The following ACAD10 variants were observed in gnomAD, a reference collection of about 807,000 sequenced individuals.
The protein encoded by ACAD10 is acyl-CoA dehydrogenase family member 10.
ACAD10 carries 112 observed loss-of-function variants against 116.8 expected under a neutral mutation model. The ratio of observed to expected loss-of-function variants is 0.96; its 90% CI spans 0.82 to 1.12. ACAD10 has a LOEUF of 1.12. Among genes scored for constraint, ACAD10 ranks in the 50% most tolerant of loss-of-function variants. The probability of loss-of-function intolerance (pLI) is 0.00; values close to 1 mark genes in which losing one functional copy is unlikely to be tolerated. For synonymous variants in ACAD10, 486 were observed against 510.6 expected (o/e 0.95, Z 0.65); for missense variants, 1,259 against 1,350.2 (o/e 0.93, Z 1.06).
intron 11 of ACAD10, among the ~76,000 whole-genome samples, chr12:111,736,499 C>G (rs1472773348): frequency 6.6e-6 from 1 of 152,150 alleles, no homozygotes; most frequent in Non-Finnish European, 1.5e-5. Context: ...CCTGAGATCG[C>G]TCTTTCCATA....
At chr12:111,694,604 C>A (rs1470136915) in intron 2 of ACAD10, among the ~76,000 whole-genome samples, 2 of 152,184 alleles carry the variant, frequency 1.3e-5, no homozygotes, top group Non-Finnish European at 2.9e-5. Flanking sequence ...CACTTCTCTC[C>A]ATTGCCACTG....
chr12:111,717,312 C>T (rs553790509), intron 7 of ACAD10, among the ~76,000 whole-genome samples: 2 of 144,680 alleles, frequency 1.4e-5, no homozygotes, highest in East Asian at 4.1e-4. Flanking sequence ...GAGCTGAGAT[C>T]GTACCGCTGC....
intron 10 of ACAD10, among the ~76,000 whole-genome samples, chr12:111,731,323 G>A (rs912636272): frequency 2.6e-5 from 4 of 152,344 alleles, no homozygotes; most frequent in African/African-American, 9.6e-5. Context: ...CTTGAACGTG[G>A]CATGCAGTTG....
Position 111,709,701 on chromosome 12 carries a change from T to C in ACAD10, c.690+17T>C. 6.3e-7 allele frequency: 1 copy of C among 1,599,136 alleles called. No individual in the cohort carries two copies. Among genetic ancestry groups the C allele is most frequent in the Non-Finnish European group, 8.5e-7 (1 of 1,173,978 alleles). Reference sequence around the variant, plus strand: ...ACCATTAAGGTAATAGTCACTAATTTTTGAACTCCCTCCCATGCACCAGCC... The same window carrying C: ...ACCATTAAGGTAATAGTCACTAATTCTTGAACTCCCTCCCATGCACCAGCC... On this transcript the variant is annotated intron_variant, in intron 5 of 20. Coordinates refer to ENST00000313698, the MANE Select transcript of ACAD10 (RefSeq NM_025247.6).
chr12:111,725,370 C>T (rs1003501026), intron 8 of ACAD10, among the ~76,000 whole-genome samples: 3 of 151,992 alleles, frequency 2.0e-5, no homozygotes, highest in South Asian at 2.1e-4. Flanking sequence ...ATTAGCCAGG[C>T]GTGGAGGTGC....
chr12:111,702,213 T>C lies in ACAD10; in HGVS notation c.239T>C (p.Met80Thr). ...IPSGTILKAL[M>T]EGGENGPWMR... is the part of the protein sequence containing the mutation. ...TCTGGAACTATATTAAAGGCCTTGA[T>C]GGAAGGTGGTGAAAATGGGCCCTGG... Residue 80 changes from methionine (M) to threonine (T), a missense_variant, in exon 3 of 21, where the codon ATG becomes ACG. Physicochemically the swap from Met to Thr is moderately conservative, Grantham distance 81. Transcript: ENST00000313698. The C allele has an allele frequency of 3.1e-6, 5 of 1,614,094 alleles. No individual in the cohort carries two copies. Among genetic ancestry groups the C allele is most frequent in the Non-Finnish European group, 4.2e-6 (5 of 1,180,002 alleles).
At chr12:111,703,907 A>T (rs796863235) in intron 3 of ACAD10, among the ~76,000 whole-genome samples, 16 of 141,964 alleles carry the variant, frequency 1.1e-4, no homozygotes, top group Admixed American at 1.4e-4. Flanking sequence ...TCCACAATTT[A>T]TATATATATA....
intron 6 of ACAD10, among the ~76,000 whole-genome samples, chr12:111,713,929 TC>T (rs376897508): frequency 5.9e-4 from 78 of 132,802 alleles, no homozygotes; most frequent in South Asian, 2.2e-3. Flanking sequence ...CAAGACTCCG[TC>T]CCCCCCCCAA....
chr12:111,710,090 C>CTTTT, intron 5 of ACAD10: 9 of 256,074 alleles, frequency 3.5e-5, no homozygotes, highest in Non-Finnish European at 6.1e-5. Context: ...TTTTTCTATT[C>CTTTT]TTTTTTTTTT....
At chr12:111,724,316 C>A (rs1889147377) in intron 8 of ACAD10, among the ~76,000 whole-genome samples, 1 of 151,844 alleles carries the variant, frequency 6.6e-6, no homozygotes, top group African/African-American at 2.4e-5. Context: ...TCCTCACTTT[C>A]CAGACTGGGC....
In ACAD10 at chr12:111,705,774, CTG is replaced by C; in HGVS notation, c.375_376del (p.Leu126AspfsTer3). 6.2e-7 allele frequency: 1 copy of C among 1,614,090 alleles called. No homozygotes were observed. Among genetic ancestry groups the C allele is most frequent in the South Asian group, 1.1e-5 (1 of 91,078 alleles). On this transcript the variant is annotated frameshift_variant, in exon 4 of 21. Transcript: ENST00000313698. LOFTEE classifies it high-confidence loss of function. ...TSVPVDSFFS[L>X]LTSERVAKQF... The stretch of plus-strand genomic sequence containing the variant: ...CGTGCCTGTGGACTCATTTTTCTCT[CTG>C]TTGACCAGTGAGCGAGTGGCAAAGC...
intron 8 of ACAD10, among the ~76,000 whole-genome samples, chr12:111,725,407 G>A (rs377188039): frequency 1.2e-4 from 19 of 152,102 alleles, no homozygotes; most frequent in Non-Finnish European, 2.4e-4. Flanking sequence ...CTACTTACCC[G>A]GAAGATTGTG....
At chr12:111,746,050 C>T (rs1889886085) in intron 13 of ACAD10, 94 bp from the exon 14 acceptor site, 1 of 1,503,880 alleles carries the variant, frequency 6.6e-7, no homozygotes, top group Non-Finnish European at 8.9e-7. Flanking sequence ...TGGTTGTCTG[C>T]CTTGTTTCCT....
intron 2 of ACAD10, among the ~76,000 whole-genome samples, chr12:111,699,586 GTCTAGGA>G (rs1337793695): frequency 6.6e-6 from 1 of 151,974 alleles, no homozygotes; most frequent in African/African-American, 2.4e-5. Flanking sequence ...GTTGGCATAT[GTCTAGGA>G]TCTAGTTTGG....
At chr12:111,698,912 C>T (rs1316695442) in intron 2 of ACAD10, among the ~76,000 whole-genome samples, 2 of 152,062 alleles carry the variant, frequency 1.3e-5, no homozygotes, top group African/African-American at 4.8e-5. Context: ...CGGAATTTTA[C>T]TCTGCCACTC....
In ACAD10 at chr12:111,745,031, C is replaced by T. The variant is rs764578199; in HGVS notation, c.2103C>T (p.Ile701=). ...CCAGGTGGAGCCCCTCCCCACTGATCGAAGACCTCAAGGTAAAGCAGCCAT... is the reference window on the plus strand; with the variant it reads ...CCAGGTGGAGCCCCTCCCCACTGATTGAAGACCTCAAGGTAAAGCAGCCAT... ...SAARWSPSPL[I]EDLKEKAKAE... Residue 701 remains isoleucine, a synonymous_variant, in exon 13 of 21, where the codon ATC becomes ATT. Transcript: ENST00000313698. The T allele has an allele frequency of 7.4e-6, 12 of 1,612,990 alleles. No individual in the cohort carries two copies. In the East Asian group the frequency reaches 1.1e-4, roughly 15 times the overall value.
intron 8 of ACAD10, among the ~76,000 whole-genome samples, chr12:111,724,825 A>G (rs1889165486): frequency 6.7e-6 from 1 of 148,436 alleles, no homozygotes; most frequent in African/African-American, 2.6e-5. Flanking sequence ...AGGGAGAGGG[A>G]GACCGTGGAA....
At chr12:111,755,826 C>T in intron 20 of ACAD10, 81 bp downstream of exon 20, 1 of 1,367,840 alleles carries the variant, frequency 7.3e-7, no homozygotes, top group South Asian at 1.2e-5. Flanking sequence ...CGCCCAGCCT[C>T]CCATAGACCC....
rs564498251 is a variant in ACAD10 at position 111,753,344 on chromosome 12, T to A, written c.2818-428T>A. ...ATTGGAGCTGCAGGGCAGGAAGGGG[T>A]GCTGCGGTCAGCAGAGGGCACCCTT... is the stretch of plus-strand genomic sequence containing the variant. On this transcript the variant is annotated intron_variant, in intron 18 of 20. Transcript: ENST00000313698. 12 of 378,292 alleles carry A rather than the reference T, an allele frequency of 3.2e-5. No individual in the cohort carries two copies. In the Admixed American group the frequency reaches 3.5e-4, roughly 11 times the overall value. The allele number at this position is 378,292 out of a possible 1,614,324, so 23.4% of individuals were successfully genotyped here. A position where few individuals can be genotyped will look rare whatever the true frequency, so the allele number is the denominator to read the frequency against.
Sources: gnomAD v4.1 joint callset for allele counts (sites outside exome capture counted in the v4.1 genomes callset) on GRCh38, gnomAD v4.1.1 for gene constraint, MANE v1.5 for transcripts, NCBI Gene and HGNC (gene_info 2026-07-23, HGNC 2026-07-21) for gene names.